The following TOMM20 variants were observed in gnomAD, a reference collection of about 807,000 sequenced individuals.
TOMM20 encodes translocase of outer mitochondrial membrane 20.
In TOMM20, 10 loss-of-function variants were observed where a neutral mutation model predicts 22.1. The observed-to-expected ratio is 0.45, with a 90% CI of 0.28 to 0.77. The LOEUF (loss-of-function observed/expected upper bound fraction) is 0.77, where lower values mean the gene tolerates loss of function less well. Ranked by LOEUF, TOMM20 falls within the 30% of genes least tolerant of loss-of-function variation. The probability of loss-of-function intolerance (pLI) is 0.13; values close to 1 mark genes in which losing one functional copy is unlikely to be tolerated. For missense variants in TOMM20, 121 were observed against 172.2 expected (o/e 0.70, Z 1.66); for synonymous variants, 55 against 61.4 (o/e 0.90, Z 0.49).
intron 2 of TOMM20, among the ~76,000 whole-genome samples, chr1:235,121,276 T>C (rs548284536): frequency 1.3e-5 from 2 of 152,228 alleles, no homozygotes; most frequent in East Asian, 3.9e-4. Flanking sequence ...CATACTCTTA[T>C]TAACCTAGCC....
intron 3 of TOMM20, among the ~76,000 whole-genome samples, chr1:235,115,757 T>C (rs1039913058): frequency 2.0e-5 from 3 of 152,260 alleles, no homozygotes; most frequent in Non-Finnish European, 2.9e-5. Context: ...TCAAGGATGT[T>C]TGTACAGTAA....
chr1:235,115,232 T>C (rs983467968), intron 3 of TOMM20, among the ~76,000 whole-genome samples: 2 of 152,194 alleles, frequency 1.3e-5, no homozygotes, highest in African/African-American at 4.8e-5. Flanking sequence ...TGAGCAAAAC[T>C]ATGCTATTAA....
At position 235,110,835 on chromosome 1, in the gene TOMM20, G is replaced by A. The variant is rs1003732365; in HGVS notation, c.*1229C>T. 4 of 152,162 alleles carry A rather than the reference G, an allele frequency of 2.6e-5. No individual in the cohort carries two copies. The highest frequency in any genetic ancestry group is 9.7e-5 in the African/African-American group (4 of 41,432). The allele number at this position is 152,162 out of a possible 1,614,324, so 9.4% of individuals were successfully genotyped here. A position where few individuals can be genotyped will look rare whatever the true frequency, so the allele number is the denominator to read the frequency against. ...AGAAATGCTCCTCAGTTCAACAGAT[G>A]CCACCAAGTACCAAGGATCCTTACT... On this transcript the variant is annotated 3_prime_UTR_variant, in exon 5 of 5. Coordinates refer to ENST00000366607, the MANE Select transcript of TOMM20 (RefSeq NM_014765.3).
chr1:235,125,790 C>G (rs1378900198), intron 1 of TOMM20, among the ~76,000 whole-genome samples: 1 of 151,544 alleles, frequency 6.6e-6, no homozygotes, highest in East Asian at 1.9e-4. Context: ...CCGCTCTGTC[C>G]CCAGGCTGGA....
intron 4 of TOMM20, among the ~76,000 whole-genome samples, chr1:235,113,372 C>T (rs917134245): frequency 1.3e-5 from 2 of 152,118 alleles, no homozygotes; most frequent in Admixed American, 6.6e-5. Flanking sequence ...TGTCTAGAAC[C>T]GACGTTTAGG....
At chr1:235,114,028 G>T in intron 3 of TOMM20, 118 bp from the exon 4 acceptor site, 1 of 1,119,880 alleles carries the variant, frequency 8.9e-7, no homozygotes, top group Non-Finnish European at 1.3e-6. Flanking sequence ...TAAAATACTG[G>T]AAATGACCTA....
rs1269075257 is a variant in TOMM20 at position 235,110,566 on chromosome 1, T to C, written c.*1498A>G. On this transcript the variant is annotated 3_prime_UTR_variant, in exon 5 of 5. Coordinates refer to ENST00000366607, the MANE Select transcript of TOMM20 (RefSeq NM_014765.3). ...AAGATACCCGAGAAAAGTCCTCAAA[T>C]GTGAGTCGCCTAGTCTAACAGTAGA... is the stretch of plus-strand genomic sequence containing the variant. The C allele has an allele frequency of 1.3e-5, 2 of 152,166 alleles. No individual in the cohort carries two copies. The highest frequency in any genetic ancestry group is 2.9e-5 in the Non-Finnish European group (2 of 68,052). 9.4% of individuals were successfully genotyped at this position (152,166 alleles called of 1,614,324 possible).
chr1:235,123,026 ATTATTAG>A (rs1660952756), intron 1 of TOMM20, among the ~76,000 whole-genome samples: 2 of 152,220 alleles, frequency 1.3e-5, no homozygotes, highest in Non-Finnish European at 2.9e-5. Flanking sequence ...TCCAATACTT[ATTATTAG>A]CTAATACTTA....
chr1:235,115,348 G>A (rs1334939156), intron 3 of TOMM20, among the ~76,000 whole-genome samples: 3 of 151,988 alleles, frequency 2.0e-5, no homozygotes, highest in South Asian at 4.2e-4. Context: ...AAAATAATAC[G>A]GCCGGGAGCA....
chr1:235,127,860 C>T (rs1272180886), intron 1 of TOMM20: 2 of 519,016 alleles, frequency 3.9e-6, no homozygotes, highest in South Asian at 1.4e-5. Context: ...CCTTTGGACT[C>T]CCCTGCAATT....
chr1:235,127,879 A>C (rs755304887), intron 1 of TOMM20: 9 of 519,072 alleles, frequency 1.7e-5, no homozygotes, highest in Non-Finnish European at 3.5e-5. Context: ...TTTCTATAGC[A>C]TTCACTCATA....
chr1:235,111,823 A>G lies in TOMM20; in HGVS notation c.*241T>C, dbSNP rs1660743092. Reference sequence around the variant, plus strand: ...TATGTTTCAGGAATAAACAAAATCCATGATATTTTAGTAACTCATAGTGTA... The same window carrying G: ...TATGTTTCAGGAATAAACAAAATCCGTGATATTTTAGTAACTCATAGTGTA... On this transcript the variant is annotated 3_prime_UTR_variant, in exon 5 of 5. Transcript: ENST00000366607. 2.3e-6 allele frequency: 1 copy of G among 438,356 alleles called. No individual in the cohort carries two copies. The highest frequency in any genetic ancestry group is 2.1e-5 in the African/African-American group (1 of 48,320). 27.2% of individuals were successfully genotyped at this position (438,356 alleles called of 1,614,324 possible). A position where few individuals can be genotyped will look rare whatever the true frequency, so the allele number is the denominator to read the frequency against.
chr1:235,125,704 C>T (rs750157824), intron 1 of TOMM20, among the ~76,000 whole-genome samples: 10 of 151,124 alleles, frequency 6.6e-5, no homozygotes, highest in Non-Finnish European at 1.0e-4. Flanking sequence ...GGCAAAATAC[C>T]CCTAAACTTT....
At chr1:235,121,091 C>T (rs187804079) in intron 2 of TOMM20, among the ~76,000 whole-genome samples, 7 of 150,856 alleles carry the variant, frequency 4.6e-5, no homozygotes, top group Admixed American at 3.3e-4. Flanking sequence ...CCCAGCTGCT[C>T]GGGAGGCTGA....
rs756082321 is a variant in TOMM20 at position 235,119,807 on chromosome 1, A to G, written c.250+11T>C. 1 of 1,578,384 alleles carries G rather than the reference A, an allele frequency of 6.3e-7. No homozygotes were observed. The highest frequency in any genetic ancestry group is 1.2e-5 in the South Asian group (1 of 86,172). ...TTCTACCCATTTCCTTAGCTTTTCA[A>G]TGACTATTACCTTGAGCTAGTAACT... On this transcript the variant is annotated intron_variant, in intron 3 of 4. Transcript: ENST00000366607.
intron 2 of TOMM20, among the ~76,000 whole-genome samples, chr1:235,122,004 G>A (rs1660939095): frequency 6.6e-6 from 1 of 152,280 alleles, no homozygotes; most frequent in South Asian, 2.1e-4. Context: ...GTGTAATATT[G>A]TATCATTTTG....
chr1:235,124,512 A>G (rs1660980406), intron 1 of TOMM20, among the ~76,000 whole-genome samples: 1 of 152,250 alleles, frequency 6.6e-6, no homozygotes, highest in Admixed American at 6.5e-5. Flanking sequence ...AGTGTGGAGA[A>G]GTAAAGATGT....
In TOMM20 at chr1:235,114,325, C is replaced by T. The variant is rs554787167; in HGVS notation, c.251-415G>A. ...TCTTTGTACTATTTGAATGGTATCG[C>T]ATGGGAAGAAAAAAAAATTTTAAGT... On this transcript the variant is annotated intron_variant, in intron 3 of 4. Coordinates refer to ENST00000366607, the MANE Select transcript of TOMM20 (RefSeq NM_014765.3). Among the ~76,000 whole-genome samples, 8 of 150,692 alleles carry T rather than the reference C, an allele frequency of 5.3e-5. No homozygotes were observed. In the South Asian group the frequency reaches 1.7e-3, roughly 32 times the overall value.
chr1:235,113,713 A>T (rs1660779918), intron 4 of TOMM20, 55 bp downstream of exon 4: 1 of 1,549,904 alleles, frequency 6.5e-7, no homozygotes, highest in Non-Finnish European at 8.7e-7. Context: ...AATGTCCCTA[A>T]TCATTCGATT....
Sources: gnomAD v4.1 joint callset for allele counts (sites outside exome capture counted in the v4.1 genomes callset) on GRCh38, gnomAD v4.1.1 for gene constraint, MANE v1.5 for transcripts, NCBI Gene and HGNC (gene_info 2026-07-23, HGNC 2026-07-21) for gene names.